The following TBCA variants were observed in gnomAD, a reference collection of about 807,000 sequenced individuals.
TBCA encodes tubulin-specific chaperone A.
In TBCA, 6 loss-of-function variants were observed where a neutral mutation model predicts 15.8. That is an observed-to-expected ratio of 0.38 (90% CI 0.21 to 0.75). The LOEUF is 0.75. TBCA is among the 30% of genes least tolerant of loss of function. The pLI, the probability that TBCA is intolerant of heterozygous loss-of-function variation, is 0.46. For missense variants in TBCA, 90 were observed against 131.2 expected (o/e 0.69, Z 1.53); for synonymous variants, 32 against 42.3 (o/e 0.76, Z 0.94).
intron 2 of TBCA, among the ~76,000 whole-genome samples, chr5:77,694,088 T>C (rs1745820268): frequency 6.6e-6 from 1 of 152,176 alleles, no homozygotes; most frequent in South Asian, 2.1e-4. Context: ...TAATATCACA[T>C]GGAGATAATT....
intron 1 of TBCA, among the ~76,000 whole-genome samples, chr5:77,762,636 G>A (rs1214626759): frequency 1.3e-5 from 2 of 152,146 alleles, no homozygotes; most frequent in East Asian, 1.9e-4. Context: ...CACTCAAAAA[G>A]TATTATTATT....
chr5:77,730,339 A>C (rs948242684), intron 1 of TBCA, among the ~76,000 whole-genome samples: 1 of 152,204 alleles, frequency 6.6e-6, no homozygotes, highest in African/African-American at 2.4e-5. Flanking sequence ...GCCACAAACC[A>C]AGGAATACCA....
intron 1 of TBCA, among the ~76,000 whole-genome samples, chr5:77,741,796 G>C (rs1489520607): frequency 6.6e-6 from 1 of 151,960 alleles, no homozygotes; most frequent in Non-Finnish European, 1.5e-5. Context: ...ATTTCATTTG[G>C]GCTGCTGATA....
chr5:77,731,328 C>T (rs1429467032), intron 1 of TBCA, among the ~76,000 whole-genome samples: 2 of 152,216 alleles, frequency 1.3e-5, no homozygotes, highest in African/African-American at 4.8e-5. Flanking sequence ...AAATTTGAAT[C>T]CTAGTTCCAC....
chr5:77,768,164 T>G (rs1296722761), intron 1 of TBCA, among the ~76,000 whole-genome samples: 1 of 152,164 alleles, frequency 6.6e-6, no homozygotes, highest in African/African-American at 2.4e-5. Context: ...AATTGCCCAG[T>G]CTCAGGTATT....
chr5:77,700,757 G>A (rs1285466893), intron 2 of TBCA, among the ~76,000 whole-genome samples: 1 of 152,162 alleles, frequency 6.6e-6, no homozygotes, highest in Non-Finnish European at 1.5e-5. Context: ...AGAGAACCCA[G>A]AAATAAACCC....
intron 1 of TBCA, among the ~76,000 whole-genome samples, chr5:77,743,265 A>T (rs1189984673): frequency 6.6e-6 from 1 of 152,260 alleles, no homozygotes; most frequent in Non-Finnish European, 1.5e-5. Context: ...TCTAGATTGT[A>T]GGACATATTT....
In TBCA at chr5:77,765,881, C is replaced by CA. The variant is rs70997944; in HGVS notation, c.53+10323dup. Among the ~76,000 whole-genome samples, 184 of 130,394 alleles carry CA rather than the reference C, an allele frequency of 1.4e-3. 1 individual carries two copies. The highest frequency in any genetic ancestry group is 7.3e-3 in the East Asian group (29 of 4,000). The allele number at this position is 130,394 out of a possible 152,430, so 85.5% of individuals were successfully genotyped here. A position where few individuals can be genotyped will look rare whatever the true frequency, so the allele number is the denominator to read the frequency against. ...ATTTGTACAAGTGAAAAACTAGGGCCAAAAAAAAAAAAAAAAAAAGAAAAC... is the reference window on the plus strand; with the variant it reads ...ATTTGTACAAGTGAAAAACTAGGGCCAAAAAAAAAAAAAAAAAAAAGAAAAC... On this transcript the variant is annotated intron_variant, in intron 1 of 3. Coordinates refer to ENST00000380377, the MANE Select transcript of TBCA (RefSeq NM_004607.3).
At position 77,706,731 on chromosome 5, in the gene TBCA, G is replaced by A. The variant is rs535284294; in HGVS notation, c.159+1511C>T. 6.0e-5 allele frequency among the ~76,000 whole-genome samples: 9 copies of A among 150,212 alleles called. No individual in the cohort carries two copies. In the South Asian group the frequency reaches 1.9e-3, roughly 32 times the overall value. ...GGAGGCTGAGGCAGGAAAATCAGCT[G>A]AGCCAGGAGGCAAAGGTTGCAGTGA... is the stretch of plus-strand genomic sequence containing the variant. On this transcript the variant is annotated intron_variant, in intron 2 of 3. Transcript: ENST00000380377.
At chr5:77,750,007 A>G (rs1006584654) in intron 1 of TBCA, among the ~76,000 whole-genome samples, 7 of 152,258 alleles carry the variant, frequency 4.6e-5, no homozygotes, top group African/African-American at 1.4e-4. Context: ...ACATTTCTGG[A>G]AAGAGACACC....
chr5:77,719,699 T>G (rs907098901), intron 1 of TBCA, among the ~76,000 whole-genome samples: 4 of 152,196 alleles, frequency 2.6e-5, no homozygotes, highest in Non-Finnish European at 1.5e-5. Flanking sequence ...TTTTCAATAC[T>G]ATGAATCTCA....
At chr5:77,726,805 T>A (rs1746639187) in intron 1 of TBCA, among the ~76,000 whole-genome samples, 1 of 152,166 alleles carries the variant, frequency 6.6e-6, no homozygotes, top group African/African-American at 2.4e-5. Flanking sequence ...AAACTCAGTG[T>A]TTCATAAGCA....
chr5:77,756,130 A>ATG (rs1747472143), intron 1 of TBCA, among the ~76,000 whole-genome samples: 1 of 151,794 alleles, frequency 6.6e-6, no homozygotes, highest in Non-Finnish European at 1.5e-5. Flanking sequence ...ACCAGACCGC[A>ATG]GCCTAGGATT....
intron 2 of TBCA, among the ~76,000 whole-genome samples, chr5:77,700,874 G>A (rs1745996012): frequency 6.6e-6 from 1 of 152,064 alleles, no homozygotes; most frequent in Non-Finnish European, 1.5e-5. Context: ...GCCACATGTA[G>A]GAAAATGAAA....
intron 1 of TBCA, among the ~76,000 whole-genome samples, chr5:77,761,430 G>T (rs1328132861): frequency 2.0e-5 from 3 of 152,056 alleles, no homozygotes; most frequent in South Asian, 4.2e-4. Flanking sequence ...ACAGATGCTT[G>T]AAGGCAGCAT....
intron 3 of TBCA, 169 bp from the exon 4 acceptor site, chr5:77,691,667 C>G: frequency 7.4e-7 from 1 of 1,357,006 alleles, no homozygotes; most frequent in South Asian, 1.9e-5. Flanking sequence ...ACATTCTGTT[C>G]CTTCTTTACA....
intron 1 of TBCA, among the ~76,000 whole-genome samples, chr5:77,752,990 G>C (rs1279831466): frequency 2.0e-5 from 3 of 152,022 alleles, no homozygotes; most frequent in African/African-American, 7.2e-5. Context: ...ACCGCACCCG[G>C]CCTAATTTTT....
intron 1 of TBCA, among the ~76,000 whole-genome samples, chr5:77,760,870 G>C (rs1225595640): frequency 1.3e-5 from 2 of 152,104 alleles, no homozygotes; most frequent in Non-Finnish European, 2.9e-5. Flanking sequence ...GAGCGTCTCT[G>C]CCTGGCCACC....
intron 2 of TBCA, among the ~76,000 whole-genome samples, chr5:77,700,003 A>G (rs1010536055): frequency 1.5e-5 from 2 of 136,822 alleles, no homozygotes; most frequent in Non-Finnish European, 3.1e-5. Context: ...GCACCACTGC[A>G]TTCCAGCAAA....
Sources: gnomAD v4.1 joint callset for allele counts (sites outside exome capture counted in the v4.1 genomes callset) on GRCh38, gnomAD v4.1.1 for gene constraint, MANE v1.5 for transcripts, NCBI Gene and HGNC (gene_info 2026-07-23, HGNC 2026-07-21) for gene names.